Variants in BACH2 observed in about 807,000 individuals in gnomAD.
BACH2 encodes the protein BACH transcriptional regulator 2, also known as transcription regulator protein BACH2.
Under a neutral mutation model 61.8 loss-of-function variants are expected in BACH2, and 5 were observed. The observed-to-expected ratio is 0.08, with a 90% CI of 0.04 to 0.17. The LOEUF (loss-of-function observed/expected upper bound fraction) is 0.17. Ranked by LOEUF, BACH2 falls within the 10% of genes least tolerant of loss-of-function variation. BACH2 has a pLI of 1.00. For synonymous variants in BACH2, 446 were observed against 440.1 expected (o/e 1.01, Z -0.17); for missense variants, 824 against 1,091.1 (o/e 0.76, Z 3.45).
rs145436005 is a variant in BACH2 at position 90,280,563 on chromosome 6, G to T, written c.-445-8622C>A. 5.4e-3 allele frequency among the ~76,000 whole-genome samples: 817 copies of T among 152,254 alleles called. 6 individuals carry two copies. The highest frequency in any genetic ancestry group is 0.019 in the African/African-American group (778 of 41,540). ...TCATTAAATCTTAAGAACCATGAGG[G>T]ATCTTAGAGACATTTAGCCCAGTGC... is the stretch of plus-strand genomic sequence containing the variant. On this transcript the variant is annotated intron_variant, in intron 1 of 8. Coordinates refer to ENST00000257749, the MANE Select transcript of BACH2 (RefSeq NM_021813.4).
chr6:89,950,580 C>T lies in BACH2; in HGVS notation c.1526G>A (p.Arg509His), dbSNP rs756518601. Residue 509 changes from arginine (R) to histidine (H), a missense_variant, in exon 7 of 9, where the codon CGC (arginine) becomes CAC (histidine). This residue lies in a region of BACH2 where 102 missense variants were observed against 98.1 expected (regional missense o/e 1.04). Transcript: ENST00000257749. This position sits in a 1 kb window ranked among gnomAD's most constrained non-coding sequence, Gnocchi z 5.3. ...GGTCCTGGTCTCCAAGGGGGGTGAG[C>T]GAGGGCAGACTTTGATTGGTACCGG... The part of the protein sequence containing the change: ...SCPVPIKVCP[R>H]SPPLETRTRT... 6 of 1,611,192 alleles carry T rather than the reference C, an allele frequency of 3.7e-6. No homozygotes were observed. The highest frequency in any genetic ancestry group is 5.1e-6 in the Non-Finnish European group (6 of 1,178,090).
intron 4 of BACH2, among the ~76,000 whole-genome samples, chr6:90,107,889 G>C (rs991054762): frequency 2.6e-5 from 4 of 152,042 alleles, no homozygotes; most frequent in African/African-American, 7.2e-5. Flanking sequence ...GGCAGTCAGG[G>C]TGAAAACTAA....
At chr6:90,268,003 C>CT (rs1317612336) in intron 2 of BACH2, among the ~76,000 whole-genome samples, 83 of 134,282 alleles carry the variant, frequency 6.2e-4, no homozygotes, top group Admixed American at 1.1e-3. Flanking sequence ...CTGCACTTGC[C>CT]TTTTTTGTTT....
At chr6:90,038,324 AGTT>A (rs1203074998) in intron 5 of BACH2, among the ~76,000 whole-genome samples, 5 of 152,114 alleles carry the variant, frequency 3.3e-5, no homozygotes, top group Admixed American at 6.6e-5. Context: ...GCCCCATCCC[AGTT>A]GTTATTTCCA....
At chr6:90,063,383 A>G (rs1780785997) in intron 5 of BACH2, among the ~76,000 whole-genome samples, 1 of 152,230 alleles carries the variant, frequency 6.6e-6, no homozygotes, top group African/African-American at 2.4e-5. Flanking sequence ...ATCACATTAC[A>G]TTATGTTATG....
chr6:90,181,667 G>A (rs1001031679), intron 4 of BACH2, among the ~76,000 whole-genome samples: 3 of 151,932 alleles, frequency 2.0e-5, no homozygotes, highest in African/African-American at 4.8e-5. Context: ...CTGCAGCCTC[G>A]ATCACCTGGG....
intron 5 of BACH2, among the ~76,000 whole-genome samples, chr6:90,031,660 C>G (rs544730949): frequency 9.2e-5 from 14 of 152,232 alleles, no homozygotes; most frequent in Admixed American, 4.6e-4. Flanking sequence ...ATGTGAAGGA[C>G]CTCTTCAAGG....
chr6:89,975,846 T>C (rs896912424), intron 6 of BACH2, among the ~76,000 whole-genome samples: 1 of 152,246 alleles, frequency 6.6e-6, no homozygotes, highest in Non-Finnish European at 1.5e-5. Flanking sequence ...CAATAAAATA[T>C]TTGACAAGAT....
chr6:90,227,471 A>G (rs953905247), intron 3 of BACH2, among the ~76,000 whole-genome samples: 2 of 152,226 alleles, frequency 1.3e-5, no homozygotes, highest in Admixed American at 1.3e-4. Context: ...GAGGGGTGGA[A>G]CCACTTGCTC....
intron 4 of BACH2, among the ~76,000 whole-genome samples, chr6:90,138,823 A>T (rs1359172848): frequency 1.3e-5 from 2 of 152,222 alleles, no homozygotes; most frequent in Non-Finnish European, 2.9e-5. Context: ...GAGCTGGGGC[A>T]TAGTAAACTC....
At chr6:90,076,594 C>T (rs1781480666) in intron 5 of BACH2, among the ~76,000 whole-genome samples, 1 of 152,126 alleles carries the variant, frequency 6.6e-6, no homozygotes, top group African/African-American at 2.4e-5. Flanking sequence ...TGCCAACAGC[C>T]CCCTTTCCCT....
intron 4 of BACH2, among the ~76,000 whole-genome samples, chr6:90,139,987 C>T (rs1312819667): frequency 1.3e-5 from 2 of 152,246 alleles, no homozygotes; most frequent in Non-Finnish European, 2.9e-5. Context: ...CAGGATGATA[C>T]GGAGCTTCCT....
intron 5 of BACH2, among the ~76,000 whole-genome samples, chr6:90,075,143 G>A (rs536021936): frequency 2.7e-4 from 41 of 152,192 alleles, no homozygotes; most frequent in African/African-American, 9.6e-4. Flanking sequence ...TGTCATGGAC[G>A]AAAAGAACAT....
chr6:89,931,203 T>C lies in BACH2; in HGVS notation c.*1205A>G, dbSNP rs757027578. On this transcript the variant is annotated 3_prime_UTR_variant, in exon 9 of 9. Transcript: ENST00000257749. ...GTTCTGGTATAAAATCACGGATTCCTGTTTTTCTGATGTACTTTTGAGTGA... is the reference window on the plus strand; with the variant it reads ...GTTCTGGTATAAAATCACGGATTCCCGTTTTTCTGATGTACTTTTGAGTGA... 6.6e-6 allele frequency: 1 copy of C among 152,408 alleles called. No homozygotes were observed. Among genetic ancestry groups the C allele is most frequent in the Non-Finnish European group, 1.5e-5 (1 of 68,052 alleles). The allele number at this position is 152,408 out of a possible 1,614,324, so 9.4% of individuals were successfully genotyped here. A position where few individuals can be genotyped will look rare whatever the true frequency, so the allele number is the denominator to read the frequency against.
At chr6:89,980,636 T>A (rs1299390892) in intron 6 of BACH2, among the ~76,000 whole-genome samples, 1 of 152,206 alleles carries the variant, frequency 6.6e-6, no homozygotes, top group African/African-American at 2.4e-5. Context: ...TTACTGTTTT[T>A]TGGCCCTGAG....
intron 4 of BACH2, among the ~76,000 whole-genome samples, chr6:90,171,898 G>GA (rs1389672324): frequency 1.3e-5 from 2 of 152,204 alleles, no homozygotes; most frequent in African/African-American, 4.8e-5. Flanking sequence ...AGACTCACAT[G>GA]AGTAAGTCCA....
At chr6:90,070,264 T>C (rs1231923184) in intron 5 of BACH2, among the ~76,000 whole-genome samples, 2 of 152,090 alleles carry the variant, frequency 1.3e-5, no homozygotes, top group Non-Finnish European at 2.9e-5. Context: ...AAGTGAACAA[T>C]ATCATTTCCA....
chr6:90,123,616 T>A (rs372581090), intron 4 of BACH2, among the ~76,000 whole-genome samples: 5,871 of 150,664 alleles, frequency 0.039, 340 homozygotes, highest in African/African-American at 0.13. Context: ...TAAAAATACA[T>A]AAAATTAGCC....
At chr6:89,947,560 ATTT>A (rs1267512638) in intron 7 of BACH2, among the ~76,000 whole-genome samples, 2 of 150,308 alleles carry the variant, frequency 1.3e-5, no homozygotes, top group African/African-American at 4.9e-5. Flanking sequence ...CAGAAGATGG[ATTT>A]TTCTTTCTTT....
Sources: gnomAD v4.1 joint callset for allele counts (sites outside exome capture counted in the v4.1 genomes callset) on GRCh38, gnomAD v4.1.1 for gene constraint, gnomAD v4.1.1 regional missense constraint, Gnocchi (gnomAD v3.1) non-coding constraint, MANE v1.5 for transcripts, NCBI Gene and HGNC (gene_info 2026-07-23, HGNC 2026-07-21) for gene names.